The following ADGRL2 variants were observed in gnomAD, a reference collection of about 807,000 sequenced individuals.
ADGRL2 encodes the protein calcium-independent alpha-latrotoxin receptor 2.
A neutral mutation model predicts 157.4 loss-of-function variants in ADGRL2; 44 were observed. The ratio of observed to expected loss-of-function variants is 0.28; its 90% CI spans 0.22 to 0.36. The LOEUF (loss-of-function observed/expected upper bound fraction) is 0.36. Among genes scored for constraint, ADGRL2 ranks in the 10% least tolerant of loss-of-function variants. The pLI is 1.00. For missense variants in ADGRL2, 1,510 were observed against 1,768.9 expected (o/e 0.85, Z 2.63); for synonymous variants, 585 against 624.7 (o/e 0.94, Z 0.95).
At chr1:81,501,824 C>CAGCAGCAGCAGA in intron 2 of ADGRL2, 2 of 1,603,190 alleles carry the variant, frequency 1.2e-6, no homozygotes, top group Admixed American at 1.7e-5. Flanking sequence ...GCAGCAGCAA[C>CAGCAGCAGCAGA]AGAAGCAGCC....
At chr1:81,501,030 C>T (rs889761773) in intron 2 of ADGRL2, among the ~76,000 whole-genome samples, 3 of 152,112 alleles carry the variant, frequency 2.0e-5, no homozygotes, top group Non-Finnish European at 4.4e-5. Context: ...CAAGCCAAGT[C>T]AAAAATTCCT....
At chr1:81,593,992 C>CTATG (rs548437078) in intron 3 of ADGRL2, among the ~76,000 whole-genome samples, 1 of 152,102 alleles carries the variant, frequency 6.6e-6, no homozygotes, top group Non-Finnish European at 1.5e-5. Context: ...AGATAGACAA[C>CTATG]TATGTATGTA....
chr1:81,606,089 G>A (rs2081426698), intron 3 of ADGRL2, among the ~76,000 whole-genome samples: 1 of 152,094 alleles, frequency 6.6e-6, no homozygotes, highest in Admixed American at 6.6e-5. Context: ...AAGATTTATA[G>A]CTTGTCGTGA....
At chr1:81,532,404 A>T (rs900429081) in intron 2 of ADGRL2, among the ~76,000 whole-genome samples, 1 of 152,016 alleles carries the variant, frequency 6.6e-6, no homozygotes, top group Non-Finnish European at 1.5e-5. Flanking sequence ...CAGAACATAC[A>T]TTTTCTTTTT....
In ADGRL2 at chr1:81,582,442, G is replaced by A. The variant is rs533261315; in HGVS notation, c.-143+1462G>A. 4.6e-4 allele frequency among the ~76,000 whole-genome samples: 70 copies of A among 152,078 alleles called. No individual in the cohort carries two copies. In the South Asian group the frequency reaches 7.9e-3, roughly 17 times the overall value. Reference sequence around the variant, plus strand: ...CTCCCCCTTAAAAGAAAAAGTGCTCGTTAGTGATTGTAATTCCATGTTGTG... The same window carrying A: ...CTCCCCCTTAAAAGAAAAAGTGCTCATTAGTGATTGTAATTCCATGTTGTG... On this transcript the variant is annotated intron_variant, in intron 3 of 24. Coordinates refer to the ADGRL2 transcript ENST00000370721.
intron 1 of ADGRL2, among the ~76,000 whole-genome samples, chr1:81,395,251 G>A (rs1356944706): frequency 6.6e-6 from 1 of 152,052 alleles, no homozygotes; most frequent in South Asian, 2.1e-4. Context: ...ATATCTCATT[G>A]TGGTTTTGAT....
intron 2 of ADGRL2, among the ~76,000 whole-genome samples, chr1:81,516,781 T>G (rs938068294): frequency 6.6e-6 from 1 of 152,152 alleles, no homozygotes; most frequent in Non-Finnish European, 1.5e-5. Flanking sequence ...ATAGACCCTG[T>G]GGGAAAAGGT....
chr1:81,917,593 C>G (rs2094886059), intron 3 of ADGRL2, among the ~76,000 whole-genome samples: 1 of 152,128 alleles, frequency 6.6e-6, no homozygotes, highest in Non-Finnish European at 1.5e-5. Context: ...TATTGTGAAA[C>G]TAACACGTCA....
At chr1:81,531,371 T>C (rs2079594972) in intron 2 of ADGRL2, among the ~76,000 whole-genome samples, 1 of 152,224 alleles carries the variant, frequency 6.6e-6, no homozygotes, top group Non-Finnish European at 1.5e-5. Flanking sequence ...TGAGAAATTA[T>C]ATAACTGATA....
intron 2 of ADGRL2, among the ~76,000 whole-genome samples, chr1:81,891,236 C>T (rs2094256352): frequency 6.6e-6 from 1 of 151,562 alleles, no homozygotes; most frequent in Non-Finnish European, 1.5e-5. Flanking sequence ...TATTCTATTA[C>T]ATTGTTTTAT....
Position 81,339,006 on chromosome 1 carries a change from T to G in ADGRL2, c.-302+32497T>G, listed in dbSNP as rs548036371. Among the ~76,000 whole-genome samples the G allele has an allele frequency of 3.3e-5, 5 of 152,350 alleles. No homozygotes were observed. In the South Asian group the frequency reaches 1.0e-3, roughly 32 times the overall value. On this transcript the variant is annotated intron_variant, in intron 1 of 24. Coordinates refer to the ADGRL2 transcript ENST00000370721. ...TCATCTGCCTTGTGGCACTAACTTT[T>G]ACTCAGCATACAAAACTCAGTTCAT... is the stretch of plus-strand genomic sequence containing the variant.
At chr1:81,615,384 G>A (rs927137215) in intron 3 of ADGRL2, among the ~76,000 whole-genome samples, 7 of 152,174 alleles carry the variant, frequency 4.6e-5, no homozygotes, top group African/African-American at 1.2e-4. Context: ...TTGTTCTTTC[G>A]CTCTTCGCAA....
At position 81,882,484 on chromosome 1, in the gene ADGRL2, G is replaced by A. The variant is rs961673215; in HGVS notation, c.74-24533G>A. Among the ~76,000 whole-genome samples the A allele has an allele frequency of 2.0e-5, 3 of 152,144 alleles. No individual in the cohort carries two copies. The South Asian group carries it at 6.2e-4, about 31-fold the overall frequency. On this transcript the variant is annotated intron_variant, in intron 2 of 23. Transcript: ENST00000686636. ...AGCTGTTTAGCTGGATAATGAAACA[G>A]TAAATGTGAAAGCAATTTGAAGAAC...
At chr1:81,399,251 C>T (rs12144165) in intron 1 of ADGRL2, among the ~76,000 whole-genome samples, 4,097 of 152,266 alleles carry the variant, frequency 0.027, 84 homozygotes, top group Middle Eastern at 0.082. Context: ...AATCACCTCC[C>T]ACCAGGCTCT....
At chr1:81,888,726 A>G (rs749566503) in intron 2 of ADGRL2, among the ~76,000 whole-genome samples, 5 of 152,152 alleles carry the variant, frequency 3.3e-5, no homozygotes, top group African/African-American at 4.8e-5. Flanking sequence ...TGCTGGGATT[A>G]CAAGTGTGAA....
At chr1:81,554,164 G>A (rs929422706) in intron 2 of ADGRL2, among the ~76,000 whole-genome samples, 1 of 152,180 alleles carries the variant, frequency 6.6e-6, no homozygotes, top group African/African-American at 2.4e-5. Context: ...AACATGAGAG[G>A]TATTTGTTGT....
At chr1:81,404,886 C>A (rs1203571477) in intron 1 of ADGRL2, among the ~76,000 whole-genome samples, 2 of 152,112 alleles carry the variant, frequency 1.3e-5, no homozygotes, top group African/African-American at 4.8e-5. Context: ...GAAGAGTACA[C>A]AAATCAAGAT....
At chr1:81,723,946 T>C (rs2149139084) in intron 1 of ADGRL2, among the ~76,000 whole-genome samples, 1 of 152,302 alleles carries the variant, frequency 6.6e-6, no homozygotes, top group Admixed American at 6.5e-5. Context: ...TTTCTTTTTA[T>C]ATTTCTATGC....
At chr1:81,941,950 T>C in intron 4 of ADGRL2, 84 bp from the exon 5 acceptor site, 1 of 682,868 alleles carries the variant, frequency 1.5e-6, no homozygotes, top group Admixed American at 2.2e-5. Flanking sequence ...AATTCAGTCT[T>C]AGACTAATAG....
Sources: gnomAD v4.1 joint callset for allele counts (sites outside exome capture counted in the v4.1 genomes callset) on GRCh38, gnomAD v4.1.1 for gene constraint, MANE v1.5 for transcripts, NCBI Gene and HGNC (gene_info 2026-07-23, HGNC 2026-07-21) for gene names.